The following WDR27 variants were observed in gnomAD, a reference collection of about 807,000 sequenced individuals.
The protein encoded by WDR27 is WD repeat-containing protein 27.
Under a neutral mutation model 114.4 loss-of-function variants are expected in WDR27, and 100 were observed. That is an observed-to-expected ratio of 0.87 (90% CI 0.74 to 1.03). The LOEUF (loss-of-function observed/expected upper bound fraction) is 1.03, where lower values mean the gene tolerates loss of function less well. Among genes scored for constraint, WDR27 ranks in the 50% least tolerant of loss-of-function variants. The pLI is 0.00. For synonymous variants in WDR27, 449 were observed against 423.1 expected (o/e 1.06, Z -0.75); for missense variants, 1,129 against 1,092.9 (o/e 1.03, Z -0.47).
Position 169,675,109 on chromosome 6 carries a change from G to C in WDR27, c.190-2713C>G, listed in dbSNP as rs188173981. Among the ~76,000 whole-genome samples, 5 of 152,284 alleles carry C rather than the reference G, an allele frequency of 3.3e-5. No individual in the cohort carries two copies. The East Asian group carries it at 9.7e-4, about 29-fold the overall frequency. ...CATGCAGGTCACAGGGGATATGATG[G>C]CCGAGCTTGGGCTCAGAGGCCTGAC... On this transcript the variant is annotated intron_variant, in intron 2 of 25. Coordinates refer to ENST00000448612, the MANE Select transcript of WDR27 (RefSeq NM_182552.5).
intron 23 of WDR27, among the ~76,000 whole-genome samples, 172 bp from the exon 24 acceptor site, chr6:169,583,106 T>C (rs1469793285): frequency 1.3e-5 from 2 of 152,136 alleles, no homozygotes; most frequent in Non-Finnish European, 2.9e-5. Flanking sequence ...CTTTATAAAA[T>C]AGGCATCTTT....
intron 25 of WDR27, among the ~76,000 whole-genome samples, chr6:169,460,327 T>C (rs1784760085): frequency 6.6e-6 from 1 of 152,182 alleles, no homozygotes; most frequent in African/African-American, 2.4e-5. Context: ...TAAAGAAACA[T>C]AATTTTTTGT....
At position 169,666,447 on chromosome 6, in the gene WDR27, C is replaced by T. The variant is rs1286432446; in HGVS notation, c.712+689G>A. On this transcript the variant is annotated intron_variant, in intron 6 of 25. Coordinates refer to ENST00000448612, the MANE Select transcript of WDR27 (RefSeq NM_182552.5). ...GGAAGAACGCTCTCCTTTTAATTCC[C>T]TAACTCTCTTCTTCTGGGAAGACAG... 7 of 985,322 alleles carry T rather than the reference C, an allele frequency of 7.1e-6. No homozygotes were observed. The South Asian group carries it at 1.9e-4, about 26-fold the overall frequency. The allele number at this position is 985,322 out of a possible 1,614,324, so 61.0% of individuals were successfully genotyped here. A position where few individuals can be genotyped will look rare whatever the true frequency, so the allele number is the denominator to read the frequency against.
At chr6:169,534,532 G>GT (rs760005460) in intron 25 of WDR27, among the ~76,000 whole-genome samples, 4 of 151,694 alleles carry the variant, frequency 2.6e-5, no homozygotes, top group African/African-American at 7.3e-5. Flanking sequence ...TTTGTGGGAA[G>GT]TTTTTTTTAT....
At chr6:169,433,318 C>G in the WDR27 span, among the ~76,000 whole-genome samples, 1 of 152,198 alleles carries the variant, frequency 6.6e-6, no homozygotes, top group Non-Finnish European at 1.5e-5. Flanking sequence ...CCAACTCCCA[C>G]TTACAAGTGA....
At chr6:169,579,527 G>A (rs558999900) in intron 24 of WDR27, among the ~76,000 whole-genome samples, 13 of 152,222 alleles carry the variant, frequency 8.5e-5, no homozygotes, top group South Asian at 8.3e-4. Flanking sequence ...ACCAGCTGGG[G>A]CCAAGATGGT....
chr6:169,557,724 G>A, intron 25 of WDR27, among the ~76,000 whole-genome samples: 1 of 152,152 alleles, frequency 6.6e-6, no homozygotes, highest in East Asian at 1.9e-4. Flanking sequence ...AGGAGCCCAA[G>A]AGTTGAGCTT....
intron 23 of WDR27, among the ~76,000 whole-genome samples, chr6:169,584,390 G>A (rs763867617): frequency 2.7e-4 from 41 of 152,274 alleles, no homozygotes; most frequent in Non-Finnish European, 4.3e-4. Context: ...ACATGGGAGG[G>A]CAGGTGACTT....
intron 25 of WDR27, among the ~76,000 whole-genome samples, chr6:169,542,349 G>A (rs554210736): frequency 3.3e-5 from 5 of 152,076 alleles, no homozygotes; most frequent in African/African-American, 9.7e-5. Flanking sequence ...TTTAACTACT[G>A]ATAAAAGTAC....
intron 25 of WDR27, among the ~76,000 whole-genome samples, chr6:169,500,273 T>C (rs1344957870): frequency 6.6e-6 from 1 of 152,156 alleles, no homozygotes; most frequent in Non-Finnish European, 1.5e-5. Context: ...TGATGGTGCG[T>C]TTTATAGCAA....
intron 25 of WDR27, among the ~76,000 whole-genome samples, chr6:169,482,924 C>T (rs1583692653): frequency 6.6e-6 from 1 of 152,132 alleles, no homozygotes; most frequent in South Asian, 2.1e-4. Context: ...TCAACCTGCT[C>T]CTGAATGACT....
intron 22 of WDR27, among the ~76,000 whole-genome samples, chr6:169,606,699 T>C (rs1206396126): frequency 1.3e-5 from 2 of 152,212 alleles, no homozygotes; most frequent in African/African-American, 4.8e-5. Context: ...ACGTTTTCTT[T>C]ATCCAGTCTA....
rs1239779515 is a variant in WDR27, at chr6:169,516,806, C to A, written c.2645+55613G>T. ...ATGCTCCAACACACACACACACACACACACACACACACACACACACACACA... is the reference window on the plus strand; with the variant it reads ...ATGCTCCAACACACACACACACACAAACACACACACACACACACACACACA... On this transcript the variant is annotated intron_variant, in intron 25 of 25. Transcript: ENST00000448612. Among the ~76,000 whole-genome samples, 4 of 150,868 alleles carry A rather than the reference C, an allele frequency of 2.7e-5. No individual in the cohort carries two copies. The South Asian group carries it at 8.4e-4, about 32-fold the overall frequency.
intron 25 of WDR27, among the ~76,000 whole-genome samples, chr6:169,519,309 T>A (rs1438479161): frequency 6.6e-6 from 1 of 152,212 alleles, no homozygotes; most frequent in African/African-American, 2.4e-5. Flanking sequence ...TCTGTGTTAG[T>A]TCATTCTTGT....
chr6:169,461,242 T>C (rs528047490), intron 25 of WDR27, among the ~76,000 whole-genome samples: 3 of 152,082 alleles, frequency 2.0e-5, no homozygotes, highest in African/African-American at 4.8e-5. Context: ...GGTAAGGACA[T>C]AGAGAATTTA....
At chr6:169,602,862 G>A (rs1488054671) in intron 22 of WDR27, among the ~76,000 whole-genome samples, 3 of 144,426 alleles carry the variant, frequency 2.1e-5, no homozygotes, top group Non-Finnish European at 1.5e-5. Flanking sequence ...TTTTGAGATT[G>A]AATCTCACTC....
intron 25 of WDR27, among the ~76,000 whole-genome samples, chr6:169,478,144 C>A (rs916664149): frequency 1.3e-5 from 2 of 151,380 alleles, no homozygotes; most frequent in African/African-American, 4.9e-5. Context: ...CAAGGGGGGC[C>A]AAGAGATCTC....
chr6:169,652,352 A>G (rs150358076), intron 13 of WDR27, among the ~76,000 whole-genome samples: 12 of 152,296 alleles, frequency 7.9e-5, no homozygotes, highest in African/African-American at 2.9e-4. Context: ...ATGTTCAAGT[A>G]ATTCTCCTGC....
chr6:169,474,548 T>C (rs1786875240), intron 25 of WDR27, among the ~76,000 whole-genome samples: 1 of 152,108 alleles, frequency 6.6e-6, no homozygotes, highest in Admixed American at 6.5e-5. Flanking sequence ...AAGAGAGAAT[T>C]AGTGAATTGG....
Sources: allele counts gnomAD v4.1 joint callset (sites outside exome capture counted in the v4.1 genomes callset), GRCh38; gene constraint gnomAD v4.1.1; transcripts MANE v1.5; gene names NCBI Gene and HGNC (gene_info 2026-07-23, HGNC 2026-07-21).